IPCEF1: variants seen among roughly 807,000 people sequenced by gnomAD.
IPCEF1 encodes the protein interaction protein for cytohesin exchange factors 1.
Under a neutral mutation model 50.9 loss-of-function variants are expected in IPCEF1, and 31 were observed. That is an observed-to-expected ratio of 0.61 (90% CI 0.46 to 0.82). IPCEF1 has a LOEUF of 0.82. Ranked by LOEUF, IPCEF1 falls within the 40% of genes least tolerant of loss-of-function variation. The pLI is 0.00. For missense variants in IPCEF1, 458 were observed against 514.0 expected (o/e 0.89, Z 1.05); for synonymous variants, 181 against 192.0 (o/e 0.94, Z 0.47).
intron 11 of IPCEF1, among the ~76,000 whole-genome samples, chr6:154,160,776 T>C (rs1228006590): frequency 6.6e-6 from 1 of 152,192 alleles, no homozygotes; most frequent in Non-Finnish European, 1.5e-5. Context: ...GACAATTGTA[T>C]CTCAAATCTA....
At chr6:154,195,159 T>C (rs1776497877) in intron 10 of IPCEF1, among the ~76,000 whole-genome samples, 1 of 148,394 alleles carries the variant, frequency 6.7e-6, no homozygotes. Context: ...TTTTTTTTTT[T>C]TTTTTTGAGA....
At chr6:154,307,273 A>C (rs547120734) in intron 1 of IPCEF1, among the ~76,000 whole-genome samples, 1 of 152,162 alleles carries the variant, frequency 6.6e-6, no homozygotes, top group South Asian at 2.1e-4. Flanking sequence ...ATGATAGTGA[A>C]TGGGTCTCAT....
At chr6:154,307,842 G>A (rs1439335478) in intron 1 of IPCEF1, among the ~76,000 whole-genome samples, 1 of 152,166 alleles carries the variant, frequency 6.6e-6, no homozygotes, top group Non-Finnish European at 1.5e-5. Context: ...TCACAGCACT[G>A]AGTGCCTCCT....
intron 9 of IPCEF1, among the ~76,000 whole-genome samples, chr6:154,203,730 G>C (rs1777259233): frequency 6.6e-6 from 1 of 152,144 alleles, no homozygotes; most frequent in African/African-American, 2.4e-5. Context: ...CCTGAGAACA[G>C]GCTGGTTTTA....
intron 2 of IPCEF1, among the ~76,000 whole-genome samples, chr6:154,271,179 C>T (rs1173779295): frequency 6.8e-6 from 1 of 147,312 alleles, no homozygotes; most frequent in Non-Finnish European, 1.5e-5. Flanking sequence ...GGCAACATAG[C>T]AAGACCCCAT....
At chr6:154,331,361 A>C (rs183476418) in intron 1 of IPCEF1, among the ~76,000 whole-genome samples, 123 of 130,904 alleles carry the variant, frequency 9.4e-4, no homozygotes, top group African/African-American at 3.5e-3. Flanking sequence ...GGAAAGAGAA[A>C]GAAAGAAAGG....
At position 154,322,121 on chromosome 6, in the gene IPCEF1, G is replaced by T. The variant is rs143832478; in HGVS notation, c.-61-32365C>A. Among the ~76,000 whole-genome samples, 149 of 152,162 alleles carry T rather than the reference G, an allele frequency of 9.8e-4. 3 individuals are homozygous for T. In the East Asian group the frequency reaches 0.025, roughly 26 times the overall value. On this transcript the variant is annotated intron_variant, in intron 1 of 11. Coordinates refer to ENST00000367220, the MANE Select transcript of IPCEF1 (RefSeq NM_001130700.2). ...ATGATTACCTTAATAGATGCCAAAA[G>T]TGCATACACCAAACTTCGAAAACAT...
chr6:154,281,935 T>C (rs540775302), intron 2 of IPCEF1, among the ~76,000 whole-genome samples: 1 of 152,124 alleles, frequency 6.6e-6, no homozygotes, highest in South Asian at 2.1e-4. Flanking sequence ...ACCCAGAAGG[T>C]AGAGGTTGCA....
At chr6:154,316,805 T>C (rs920316855) in intron 1 of IPCEF1, among the ~76,000 whole-genome samples, 3 of 152,238 alleles carry the variant, frequency 2.0e-5, no homozygotes, top group African/African-American at 7.2e-5. Context: ...TTAGACATGT[T>C]ATTTAGTTCA....
Position 154,200,914 on chromosome 6 carries a change from G to A in IPCEF1, c.538-874C>T, listed in dbSNP as rs563886167. ...TGTGTCCCTATCCAAATCTCACCTC[G>A]AATTGTAATCCCCACATGTCGAGGG... is the stretch of plus-strand genomic sequence containing the variant. On this transcript the variant is annotated intron_variant, in intron 9 of 11. Coordinates refer to ENST00000367220, the MANE Select transcript of IPCEF1 (RefSeq NM_001130700.2). Among the ~76,000 whole-genome samples the A allele has an allele frequency of 5.9e-5, 9 of 152,204 alleles. No homozygotes were observed. In the East Asian group the frequency reaches 9.7e-4, roughly 16 times the overall value.
chr6:154,326,923 C>T (rs939181007), intron 1 of IPCEF1, among the ~76,000 whole-genome samples: 7 of 152,136 alleles, frequency 4.6e-5, no homozygotes, highest in African/African-American at 1.7e-4. Flanking sequence ...CACCTACATC[C>T]ATCTGATCTT....
At position 154,158,920 on chromosome 6, in the gene IPCEF1, T is replaced by C. The variant is rs1798820265; in HGVS notation, c.*908A>G. The C allele has an allele frequency of 6.6e-6, 1 of 152,222 alleles. No homozygotes were observed. Among genetic ancestry groups the C allele is most frequent in the African/African-American group, 2.4e-5 (1 of 41,454 alleles). 9.4% of individuals were successfully genotyped at this position (152,222 alleles called of 1,614,324 possible). On this transcript the variant is annotated 3_prime_UTR_variant, in exon 12 of 12. Transcript: ENST00000367220. ...TCCATGGGTTTTTGTTTTTTTGTTT[T>C]TTTGAGTAAAGATATTAAAACAATT...
At position 154,181,332 on chromosome 6, in the gene IPCEF1, C is replaced by T. The variant is rs570892309; in HGVS notation, c.911-13219G>A. Among the ~76,000 whole-genome samples the T allele has an allele frequency of 2.0e-5, 3 of 152,218 alleles. No homozygotes were observed. In the South Asian group the frequency reaches 6.2e-4, roughly 32 times the overall value. On this transcript the variant is annotated intron_variant, in intron 10 of 11. Transcript: ENST00000367220. ...CATTGAGTTTTTACTATGTGACATG[C>T]ACTGTGTTAATTCTTAGACCAACGT... is the stretch of plus-strand genomic sequence containing the variant.
chr6:154,305,115 A>C (rs1583969886), intron 1 of IPCEF1, among the ~76,000 whole-genome samples: 1 of 56,894 alleles, frequency 1.8e-5, no homozygotes, highest in Non-Finnish European at 3.5e-5. Context: ...ACTCTGTCTC[A>C]AAAAAAAAAA....
rs1277416927 is a variant in IPCEF1 at position 154,289,767 on chromosome 6, A to G, written c.-61-11T>C. ...TCTGTTGCCTTTGACCTTTATGGAA[A>G]AAAAAAAAAAAAAAAGAGAGAGAGA... On this transcript the variant is annotated splice_polypyrimidine_tract_variant and intron_variant, in intron 1 of 11. Transcript: ENST00000367220. 1.7e-3 allele frequency: 29 copies of G among 16,916 alleles called. No individual in the cohort carries two copies. The highest frequency in any genetic ancestry group is 5.3e-3 in the South Asian group (1 of 190). The allele number at this position is 16,916 out of a possible 1,614,324, so 1.0% of individuals were successfully genotyped here.
intron 5 of IPCEF1, 47 bp from the exon 6 acceptor site, chr6:154,223,290 G>A: frequency 5.8e-6 from 8 of 1,373,112 alleles, no homozygotes; most frequent in Non-Finnish European, 8.2e-6. Context: ...ATCAATCCTG[G>A]GGATTAGTGC....
chr6:154,313,918 T>C (rs569824825), intron 1 of IPCEF1, among the ~76,000 whole-genome samples: 14 of 152,132 alleles, frequency 9.2e-5, no homozygotes, highest in South Asian at 2.1e-4. Flanking sequence ...TAATTTTTTT[T>C]TTAATTTCTT....
intron 1 of IPCEF1, among the ~76,000 whole-genome samples, chr6:154,352,432 CA>C (rs1784134026): frequency 6.6e-6 from 1 of 152,196 alleles, no homozygotes; most frequent in Admixed American, 6.5e-5. Flanking sequence ...ACGATCTGGT[CA>C]TTTTTTTATT....
At chr6:154,269,974 C>T (rs945349931) in intron 2 of IPCEF1, among the ~76,000 whole-genome samples, 1 of 152,134 alleles carries the variant, frequency 6.6e-6, no homozygotes, top group African/African-American at 2.4e-5. Context: ...ATAAAAGCAG[C>T]TTGTGAGAAA....
Sources: allele counts gnomAD v4.1 joint callset (sites outside exome capture counted in the v4.1 genomes callset), GRCh38; gene constraint gnomAD v4.1.1; transcripts MANE v1.5; gene names NCBI Gene and HGNC (gene_info 2026-07-23, HGNC 2026-07-21).